The following PRKN variants were observed in gnomAD, a reference collection of about 807,000 sequenced individuals.
PRKN encodes parkin RBR E3 ubiquitin protein ligase.
Under a neutral mutation model 59.5 loss-of-function variants are expected in PRKN, and 56 were observed. That is an observed-to-expected ratio of 0.94 (90% CI 0.76 to 1.18). The LOEUF is 1.18. Among genes scored for constraint, PRKN ranks in the 50% most tolerant of loss-of-function variants. PRKN has a pLI of 0.00. For synonymous variants in PRKN, 250 were observed against 222.1 expected (o/e 1.13, Z -1.12); for missense variants, 657 against 596.4 (o/e 1.10, Z -1.06).
intron 3 of PRKN, among the ~76,000 whole-genome samples, chr6:162,258,723 C>T (rs1238902461): frequency 2.6e-5 from 4 of 152,098 alleles, no homozygotes; most frequent in Admixed American, 2.0e-4. Flanking sequence ...TTTATAGGTC[C>T]TCAGGTGATT....
At chr6:161,489,625 AT>A (rs1271457098) in intron 9 of PRKN, among the ~76,000 whole-genome samples, 11 of 148,040 alleles carry the variant, frequency 7.4e-5, no homozygotes, top group South Asian at 2.1e-4. Context: ...GTATGTAATA[AT>A]TTTTTTTTGC....
intron 1 of PRKN, among the ~76,000 whole-genome samples, chr6:162,482,149 T>C (rs12530035): frequency 0.15 from 23,266 of 152,144 alleles, 1,964 homozygotes; most frequent in Non-Finnish European, 0.17. Context: ...TCTCCTGGGA[T>C]AATTAGGTTA....
intron 7 of PRKN, among the ~76,000 whole-genome samples, chr6:161,746,868 G>A (rs187243488): frequency 1.4e-5 from 2 of 147,990 alleles, no homozygotes; most frequent in Admixed American, 6.8e-5. Context: ...ATATATCTAC[G>A]TATATATCTA....
At chr6:162,386,224 C>T (rs561582813) in intron 2 of PRKN, among the ~76,000 whole-genome samples, 2 of 152,264 alleles carry the variant, frequency 1.3e-5, no homozygotes, top group Non-Finnish European at 2.9e-5. Context: ...CAGCAAAATG[C>T]TAACTAAGTG....
At chr6:162,557,418 C>T (rs569602804) in intron 1 of PRKN, among the ~76,000 whole-genome samples, 1 of 152,352 alleles carries the variant, frequency 6.6e-6, no homozygotes, top group East Asian at 1.9e-4. Flanking sequence ...CCCACGTGGT[C>T]TTGCCCTGAA....
intron 5 of PRKN, among the ~76,000 whole-genome samples, chr6:162,010,301 TATTA>T (rs1782452200): frequency 8.0e-6 from 1 of 124,976 alleles, no homozygotes; most frequent in African/African-American, 3.1e-5. Context: ...TTTATATATT[TATTA>T]TATATATTTT....
At chr6:161,705,241 C>T (rs1184816819) in intron 7 of PRKN, among the ~76,000 whole-genome samples, 2 of 152,196 alleles carry the variant, frequency 1.3e-5, no homozygotes, top group East Asian at 3.9e-4. Context: ...GCGTTTAATA[C>T]ACCTAACCCA....
intron 6 of PRKN, among the ~76,000 whole-genome samples, chr6:161,969,803 A>T (rs900989356): frequency 2.6e-5 from 4 of 152,220 alleles, no homozygotes; most frequent in Admixed American, 2.0e-4. Context: ...TTTCATCTAT[A>T]TTCATCTTGC....
At chr6:162,079,727 C>T (rs1778982022) in intron 4 of PRKN, among the ~76,000 whole-genome samples, 1 of 152,080 alleles carries the variant, frequency 6.6e-6, no homozygotes, top group African/African-American at 2.4e-5. Flanking sequence ...AATCCACAGG[C>T]ACACCTATAA....
chr6:161,789,978 C>G (rs776303710), intron 6 of PRKN, among the ~76,000 whole-genome samples: 5 of 152,150 alleles, frequency 3.3e-5, no homozygotes, highest in Non-Finnish European at 5.9e-5. Context: ...ATGTGGACTA[C>G]AGCACCCAGT....
At chr6:162,659,828 T>G (rs1454187316) in intron 1 of PRKN, among the ~76,000 whole-genome samples, 1 of 152,198 alleles carries the variant, frequency 6.6e-6, no homozygotes, top group Non-Finnish European at 1.5e-5. Context: ...GATAGAACCA[T>G]GAAAGTTTTA....
intron 6 of PRKN, among the ~76,000 whole-genome samples, chr6:161,875,583 A>G (rs975184177): frequency 6.6e-6 from 1 of 152,114 alleles, no homozygotes; most frequent in Non-Finnish European, 1.5e-5. Context: ...GGCTATGGCA[A>G]TAAGAGGTAT....
rs60611124 is a variant in PRKN at position 161,459,945 on chromosome 6, TA to T, written c.1084-73069del. Among the ~76,000 whole-genome samples, 1,775 of 148,796 alleles carry T rather than the reference TA, an allele frequency of 0.012. 24 individuals carry two copies. The highest frequency in any genetic ancestry group is 0.038 in the East Asian group (196 of 5,092). On this transcript the variant is annotated intron_variant, in intron 9 of 11. Coordinates refer to ENST00000366898, the MANE Select transcript of PRKN (RefSeq NM_004562.3). The surrounding 1 kb of genome is among the most constrained non-coding windows in gnomAD (Gnocchi z 4.8). ...TAAGAAAATGGCTGTTGATATTTTG[TA>T]AAAAAAAAAATCTATTTATCCATCA...
chr6:161,500,608 C>T (rs1201706914), intron 9 of PRKN, among the ~76,000 whole-genome samples: 1 of 152,108 alleles, frequency 6.6e-6, no homozygotes, highest in Non-Finnish European at 1.5e-5. Flanking sequence ...CTTAAGGTTC[C>T]TCTATGTCTT....
At chr6:162,328,586 G>A (rs986654195) in intron 2 of PRKN, among the ~76,000 whole-genome samples, 4 of 152,186 alleles carry the variant, frequency 2.6e-5, no homozygotes, top group African/African-American at 4.8e-5. Context: ...ATAAAGGGCC[G>A]TGCAGACGTA....
chr6:161,601,620 T>C (rs1192148844), intron 7 of PRKN, among the ~76,000 whole-genome samples: 1 of 151,704 alleles, frequency 6.6e-6, no homozygotes, highest in Non-Finnish European at 1.5e-5. Context: ...TTTCGCTCTG[T>C]AGCCCAGGCT....
chr6:161,661,320 C>A (rs1176049041), intron 7 of PRKN, among the ~76,000 whole-genome samples: 1 of 152,190 alleles, frequency 6.6e-6, no homozygotes, highest in African/African-American at 2.4e-5. Context: ...TGGGCCCTGG[C>A]AGGTTACATC....
intron 5 of PRKN, among the ~76,000 whole-genome samples, chr6:162,032,943 C>G (rs1184816584): frequency 6.6e-6 from 1 of 152,170 alleles, no homozygotes; most frequent in Non-Finnish European, 1.5e-5. Context: ...TACCACACTC[C>G]TGATTGGGAC....
intron 6 of PRKN, among the ~76,000 whole-genome samples, chr6:161,878,752 G>C (rs950050203): frequency 6.6e-6 from 1 of 152,082 alleles, no homozygotes; most frequent in African/African-American, 2.4e-5. Flanking sequence ...TACTATATTT[G>C]TCCATCTTAC....
Sources: gnomAD v4.1 joint callset for allele counts (sites outside exome capture counted in the v4.1 genomes callset) on GRCh38, gnomAD v4.1.1 for gene constraint, Gnocchi (gnomAD v3.1) non-coding constraint, MANE v1.5 for transcripts, NCBI Gene and HGNC (gene_info 2026-07-23, HGNC 2026-07-21) for gene names.